Variants in INO80 observed in about 807,000 individuals in gnomAD.
INO80 encodes chromatin-remodeling ATPase INO80.
In INO80, 20 loss-of-function variants were observed where a neutral mutation model predicts 203.4. The ratio of observed to expected loss-of-function variants is 0.10; its 90% CI spans 0.07 to 0.14. The LOEUF (loss-of-function observed/expected upper bound fraction) is 0.14. INO80 is among the 10% of genes least tolerant of loss of function. The probability of loss-of-function intolerance (pLI) is 1.00; values close to 1 mark genes in which losing one functional copy is unlikely to be tolerated. For synonymous variants in INO80, 726 were observed against 685.2 expected (o/e 1.06, Z -0.93); for missense variants, 1,419 against 1,914.4 (o/e 0.74, Z 4.83).
At chr15:41,050,307 C>T (rs774828253) in intron 19 of INO80, among the ~76,000 whole-genome samples, 91 of 152,084 alleles carry the variant, frequency 6.0e-4, no homozygotes, top group Non-Finnish European at 9.4e-4. Flanking sequence ...TCACTCATTC[C>T]ATTTGCTTTC....
At chr15:41,013,824 T>G (rs2140453992) in intron 27 of INO80, among the ~76,000 whole-genome samples, 1 of 152,374 alleles carries the variant, frequency 6.6e-6, no homozygotes, top group Non-Finnish European at 1.5e-5. Flanking sequence ...TACATATGGC[T>G]AAGCAATGTC....
intron 4 of INO80, among the ~76,000 whole-genome samples, chr15:41,094,729 C>T (rs535841): frequency 2.0e-5 from 3 of 152,134 alleles, no homozygotes; most frequent in African/African-American, 7.2e-5. Flanking sequence ...TTTTGTACTT[C>T]CTGTTTCCCC....
intron 25 of INO80, among the ~76,000 whole-genome samples, chr15:41,026,938 G>GT (rs902030496): frequency 1.3e-5 from 2 of 152,240 alleles, no homozygotes; most frequent in African/African-American, 4.8e-5. Flanking sequence ...GATAAACAGG[G>GT]TATTAGGAAG....
At chr15:41,052,900 G>T (rs1328230885) in intron 19 of INO80, among the ~76,000 whole-genome samples, 6 of 151,710 alleles carry the variant, frequency 4.0e-5, no homozygotes, top group African/African-American at 1.5e-4. Flanking sequence ...AGGTGTTGTG[G>T]CACACACCTG....
chr15:41,076,910 T>C (rs2045411931), intron 9 of INO80, among the ~76,000 whole-genome samples: 2 of 152,120 alleles, frequency 1.3e-5, no homozygotes, highest in African/African-American at 4.8e-5. Flanking sequence ...TTATTTTGTT[T>C]TCTTTTTCTT....
chr15:41,048,425 C>T lies in INO80; in HGVS notation c.2577-149G>A, dbSNP rs1218066389. The T allele has an allele frequency of 5.0e-6, 3 of 598,872 alleles. No homozygotes were observed. In the Admixed American group the frequency reaches 8.9e-5, roughly 18 times the overall value. 37.1% of individuals were successfully genotyped at this position (598,872 alleles called of 1,614,324 possible). On this transcript the variant is annotated intron_variant, in intron 21 of 35. Transcript: ENST00000648947. ...TCTTGCCATATTACCAGGCAAAAATCATAGCATACATTTAAAAAAATACAA... is the reference window on the plus strand; with the variant it reads ...TCTTGCCATATTACCAGGCAAAAATTATAGCATACATTTAAAAAAATACAA...
At chr15:41,061,450 C>CAAAAAAAAAAAAA (rs980593225) in intron 14 of INO80, among the ~76,000 whole-genome samples, 29 of 66,864 alleles carry the variant, frequency 4.3e-4, no homozygotes, top group African/African-American at 1.4e-3. Flanking sequence ...ACCAAAAATA[C>CAAAAAAAAAAAAA]AAAAAAAAAA....
In INO80 at chr15:41,056,736, G is replaced by A. The variant is rs771858208; in HGVS notation, c.1986-30C>T. ...TTGATAAAATAAGTTACAAATTCAT[G>A]TTAGCAATAAATTGTTCTTTAATTA... On this transcript the variant is annotated intron_variant, in intron 16 of 35. Coordinates refer to ENST00000648947, the MANE Select transcript of INO80 (RefSeq NM_017553.3). The A allele has an allele frequency of 1.4e-5, 22 of 1,580,700 alleles. 1 individual carries two copies. Among genetic ancestry groups the A allele is most frequent in the Middle Eastern group, 1.7e-4 (1 of 6,018 alleles).
intron 24 of INO80, among the ~76,000 whole-genome samples, chr15:41,029,866 A>T (rs955481805): frequency 6.6e-6 from 1 of 152,238 alleles, no homozygotes; most frequent in African/African-American, 2.4e-5. Flanking sequence ...GCAGTAGCCC[A>T]TCTTGCTCCC....
intron 2 of INO80, 92 bp from the exon 3 acceptor site, chr15:41,096,020 C>G (rs1052370854): frequency 7.1e-7 from 1 of 1,413,376 alleles, no homozygotes; most frequent in African/African-American, 1.4e-5. Flanking sequence ...GAAACTGTTC[C>G]TCTGAAATAA....
At chr15:41,094,421 G>C (rs978440363) in intron 4 of INO80, among the ~76,000 whole-genome samples, 22 of 152,154 alleles carry the variant, frequency 1.4e-4, no homozygotes, top group African/African-American at 5.1e-4. Context: ...ATGGTTCTCT[G>C]TGATCATTCA....
chr15:41,094,682 T>C (rs982928133), intron 4 of INO80, among the ~76,000 whole-genome samples: 5 of 152,214 alleles, frequency 3.3e-5, no homozygotes, highest in Admixed American at 3.3e-4. Flanking sequence ...TTCCTGATTA[T>C]GTGACCCAAT....
rs1013077058 is a variant in INO80, at chr15:41,107,707, G to A, written c.-44+8266C>T. Among the ~76,000 whole-genome samples the A allele has an allele frequency of 1.2e-4, 18 of 152,266 alleles. No homozygotes were observed. In the East Asian group the frequency reaches 1.5e-3, roughly 13 times the overall value. ...CCCAGCTACTCAGGAGGCTAAGACAGGAGAATTGCTTGAGCCTGGGAAACA... is the reference window on the plus strand; with the variant it reads ...CCCAGCTACTCAGGAGGCTAAGACAAGAGAATTGCTTGAGCCTGGGAAACA... On this transcript the variant is annotated intron_variant, in intron 1 of 35. Coordinates refer to ENST00000648947, the MANE Select transcript of INO80 (RefSeq NM_017553.3).
intron 35 of INO80, 93 bp from the exon 36 acceptor site, chr15:40,980,533 G>A: frequency 1.1e-6 from 1 of 922,684 alleles, no homozygotes. Context: ...CTGAGCTGGA[G>A]GAGAAGTGGT....
intron 7 of INO80, among the ~76,000 whole-genome samples, chr15:41,085,032 T>C (rs2045539533): frequency 6.6e-6 from 1 of 152,240 alleles, no homozygotes; most frequent in Non-Finnish European, 1.5e-5. Context: ...CTGCCATGCC[T>C]GGCCTCTTTT....
intron 29 of INO80, among the ~76,000 whole-genome samples, chr15:40,990,981 A>G (rs2043809684): frequency 6.6e-6 from 1 of 152,164 alleles, no homozygotes; most frequent in Non-Finnish European, 1.5e-5. Context: ...GCTTGAGGCT[A>G]TGGTTCAGCA....
At chr15:41,082,931 G>GGC (rs2045506337) in intron 7 of INO80, among the ~76,000 whole-genome samples, 1 of 151,512 alleles carries the variant, frequency 6.6e-6, no homozygotes. Flanking sequence ...CACCATCTGA[G>GGC]GCCTCTTCAT....
At chr15:41,043,526 CT>C (rs913765070) in intron 24 of INO80, among the ~76,000 whole-genome samples, 5 of 152,326 alleles carry the variant, frequency 3.3e-5, no homozygotes, top group African/African-American at 1.2e-4. Context: ...AAGAAACCAA[CT>C]GGGAAAACAG....
In INO80 at chr15:40,980,402, G is replaced by A. The variant is rs763685196; in HGVS notation, c.4492C>T (p.Arg1498Trp). 6.7e-5 allele frequency: 108 copies of A among 1,613,700 alleles called. No homozygotes were observed. The highest frequency in any genetic ancestry group is 5.8e-4 in the South Asian group (53 of 90,984). The part of the protein sequence containing the change: ...ASSPLQTSLV[R>W]PAGLADFGPS... ...CCAAAGTCAGCAAGGCCAGCAGGCC[G>A]AACAAGGGATGTCTGCAGAGGACTG... The change falls in exon 36 of 36, where the codon CGG (arginine) becomes TGG (tryptophan). Residue 1498 changes from arginine to tryptophan, a missense_variant. Transcript: ENST00000648947.
Sources: allele counts gnomAD v4.1 joint callset (sites outside exome capture counted in the v4.1 genomes callset), GRCh38; gene constraint gnomAD v4.1.1; transcripts MANE v1.5; gene names NCBI Gene and HGNC (gene_info 2026-07-23, HGNC 2026-07-21).